ASB4: variants seen among roughly 807,000 people sequenced by gnomAD.
The protein encoded by ASB4 is ankyrin repeat and SOCS box protein 4.
Under a neutral mutation model 38.6 loss-of-function variants are expected in ASB4, and 35 were observed. That is an observed-to-expected ratio of 0.91 (90% CI 0.69 to 1.20). The LOEUF is 1.20. ASB4 is among the 50% of genes most tolerant of loss of function. The probability of loss-of-function intolerance (pLI) is 0.00; values close to 1 mark genes in which losing one functional copy is unlikely to be tolerated. For synonymous variants in ASB4, 195 were observed against 201.3 expected, an observed-to-expected ratio of 0.97 and a Z score of 0.26; for missense variants, 557 against 527.2, an observed-to-expected ratio of 1.06 and a Z score of -0.55.
chr7:95,541,848 A>G (rs1396950352), downstream of ASB4, among the ~76,000 whole-genome samples: 1 of 152,198 alleles, frequency 6.6e-6, no homozygotes, highest in East Asian at 1.9e-4. Context: ...GTCATTGGGT[A>G]TCAGAATGAA....
rs1790931049 is a variant in ASB4 at position 95,538,776 on chromosome 7, G to A, written c.*1017G>A. On this transcript the variant is annotated 3_prime_UTR_variant, in exon 5 of 5. Coordinates refer to ENST00000325885, the MANE Select transcript of ASB4 (RefSeq NM_016116.3). ...TGGCTCCAGTGCATGTGACAAGGAA[G>A]CATAGGAAAATGGGGGAAAGAAAGT... is the stretch of plus-strand genomic sequence containing the variant. 2 of 152,172 alleles carry A rather than the reference G, an allele frequency of 1.3e-5. No homozygotes were observed. The highest frequency in any genetic ancestry group is 4.8e-5 in the African/African-American group (2 of 41,442). 9.4% of individuals were successfully genotyped at this position (152,172 alleles called of 1,614,324 possible).
At chr7:95,474,277 T>C (rs1468453841), upstream of ASB4, among the ~76,000 whole-genome samples, 1 of 152,244 alleles carries the variant, frequency 6.6e-6, no homozygotes, top group Non-Finnish European at 1.5e-5. Flanking sequence ...GCTATTTATA[T>C]TTTCCTTTTG....
rs2116660638 is a variant in ASB4 at position 95,537,874 on chromosome 7, A to C, written c.*115A>C. ...GATTATAACACTTCAGGGATTTCAA[A>C]ACACTTTACAAACACTGCCATTAAT... On this transcript the variant is annotated 3_prime_UTR_variant, in exon 5 of 5. Transcript: ENST00000325885. 1.3e-6 allele frequency: 1 copy of C among 793,808 alleles called. No homozygotes were observed. Among genetic ancestry groups the C allele is most frequent in the Admixed American group, 2.7e-5 (1 of 36,572 alleles). The allele number at this position is 793,808 out of a possible 1,614,324, so 49.2% of individuals were successfully genotyped here. A position where few individuals can be genotyped will look rare whatever the true frequency, so the allele number is the denominator to read the frequency against.
chr7:95,486,159 G>A lies in ASB4; in HGVS notation c.187+1G>A, dbSNP rs763960769. On this transcript the variant is annotated splice_donor_variant, in intron 1 of 4. Coordinates refer to ENST00000325885, the MANE Select transcript of ASB4 (RefSeq NM_016116.3). LOFTEE classifies it high-confidence loss of function. ...ATGGTTTTGGCATCTTATAAACAAG[G>A]TAAAAACATATAGGTGTTATTGTAG... 1 of 1,611,064 alleles carries A rather than the reference G, an allele frequency of 6.2e-7. No homozygotes were observed. The highest frequency in any genetic ancestry group is 8.5e-7 in the Non-Finnish European group (1 of 1,178,122).
At chr7:95,483,565 C>G (rs112811609), upstream of ASB4, among the ~76,000 whole-genome samples, 165 of 152,296 alleles carry the variant, frequency 1.1e-3, 1 homozygote, top group African/African-American at 3.8e-3. Flanking sequence ...AATGGGGGAT[C>G]AGATCAAATG....
chr7:95,523,654 C>G (rs1336979174), intron 2 of ASB4, among the ~76,000 whole-genome samples: 1 of 151,976 alleles, frequency 6.6e-6, no homozygotes, highest in Non-Finnish European at 1.5e-5. Flanking sequence ...AATGTTTCAG[C>G]TTAATAATTC....
At chr7:95,491,723 T>A (rs1224493623) in intron 1 of ASB4, among the ~76,000 whole-genome samples, 1 of 152,206 alleles carries the variant, frequency 6.6e-6, no homozygotes. Flanking sequence ...CAGCCTCATC[T>A]GTAGTTTTTG....
chr7:95,532,698 A>G (rs2375019), intron 3 of ASB4, among the ~76,000 whole-genome samples: 113,032 of 152,074 alleles, frequency 0.74, 42,768 homozygotes, highest in East Asian at 0.98. Context: ...GAGAGGCAGG[A>G]AGACTTACCT....
chr7:95,500,198 A>G (rs1464561563), intron 2 of ASB4, among the ~76,000 whole-genome samples: 3 of 152,050 alleles, frequency 2.0e-5, no homozygotes, highest in Admixed American at 6.6e-5. Flanking sequence ...TGGAGAAGGA[A>G]TGGGAGGTTC....
chr7:95,495,004 C>A (rs1400595767), intron 1 of ASB4, among the ~76,000 whole-genome samples: 1 of 152,166 alleles, frequency 6.6e-6, no homozygotes, highest in Admixed American at 6.5e-5. Flanking sequence ...CTAGGAAATT[C>A]AAAGGCAAAT....
chr7:95,522,259 A>G (rs889028198), intron 2 of ASB4, among the ~76,000 whole-genome samples: 1 of 152,152 alleles, frequency 6.6e-6, no homozygotes, highest in African/African-American at 2.4e-5. Context: ...ACTTTGATTT[A>G]TTAGAACTTT....
upstream of ASB4, among the ~76,000 whole-genome samples, chr7:95,484,180 A>T (rs1042488487): frequency 1.3e-5 from 2 of 152,016 alleles, no homozygotes; most frequent in Non-Finnish European, 2.9e-5. Context: ...AACACACAAA[A>T]TTTAGCCAGA....
chr7:95,485,694 T>A (rs140773630), upstream of ASB4, among the ~76,000 whole-genome samples: 138 of 152,324 alleles, frequency 9.1e-4, no homozygotes, highest in East Asian at 0.018. Flanking sequence ...TTGTGACATT[T>A]CATGCCTGGA....
Position 95,537,590 on chromosome 7 carries a change from A to T in ASB4, c.1112A>T (p.His371Leu). 1 of 1,595,666 alleles carries T rather than the reference A, an allele frequency of 6.3e-7. No homozygotes were observed. Among genetic ancestry groups the T allele is most frequent in the Non-Finnish European group, 8.6e-7 (1 of 1,169,324 alleles). ...TTTCAGAAATACTGGGATTTTTACCACTCTCTCTTTACTGTGTGCTGTAAC... is the reference window on the plus strand; with the variant it reads ...TTTCAGAAATACTGGGATTTTTACCTCTCTCTCTTTACTGTGTGCTGTAAC... The part of the protein sequence containing the change: ...DDLEKYWDFY[H>L]SLFTVCCNSP... Residue 371 changes from histidine (H) to leucine (L), a missense_variant, in exon 5 of 5, where the codon CAC becomes CTC. Physicochemically the swap from His to Leu is moderately conservative, Grantham distance 99. Coordinates refer to ENST00000325885, the MANE Select transcript of ASB4 (RefSeq NM_016116.3).
At chr7:95,487,836 C>T (rs1006025910) in intron 1 of ASB4, among the ~76,000 whole-genome samples, 1 of 152,074 alleles carries the variant, frequency 6.6e-6, no homozygotes, top group Admixed American at 6.5e-5. Flanking sequence ...AAGAACAGTT[C>T]CATTCTTATG....
rs1554351441 is a variant in ASB4, at chr7:95,537,654, T to C, written c.1176T>C (p.Ile392=). Residue 392 remains isoleucine, a synonymous_variant, in exon 5 of 5, where the codon ATT becomes ATC. Transcript: ENST00000325885. ...RTLMHLSRCA[I]RRTLHNRCHR... is the part of the protein sequence containing the mutation. ...TCATGCACTTATCGAGATGTGCCAT[T>C]AGAAGAACATTACACAACAGATGCC... The C allele has an allele frequency of 1.2e-6, 2 of 1,613,756 alleles. No individual in the cohort carries two copies. Among genetic ancestry groups the C allele is most frequent in the Admixed American group, 3.3e-5 (2 of 60,012 alleles).
intron 2 of ASB4, among the ~76,000 whole-genome samples, chr7:95,500,969 C>T (rs1052070559): frequency 6.6e-6 from 1 of 152,134 alleles, no homozygotes; most frequent in African/African-American, 2.4e-5. Context: ...CTATGTGTAG[C>T]CATCACCACT....
chr7:95,528,476 G>C, intron 3 of ASB4, 173 bp downstream of exon 3: 1 of 1,440,008 alleles, frequency 6.9e-7, no homozygotes, highest in Admixed American at 2.8e-5. Context: ...TCTCATCCTA[G>C]TCTAGGTTTG....
At chr7:95,472,488 A>T in the ASB4 span, among the ~76,000 whole-genome samples, 2 of 152,172 alleles carry the variant, frequency 1.3e-5, no homozygotes, top group Non-Finnish European at 2.9e-5. Flanking sequence ...CGGGGGAAAC[A>T]AGGTTCTATC....
Sources: gnomAD v4.1 joint callset for allele counts (sites outside exome capture counted in the v4.1 genomes callset) on GRCh38, gnomAD v4.1.1 for gene constraint, MANE v1.5 for transcripts, NCBI Gene and HGNC (gene_info 2026-07-23, HGNC 2026-07-21) for gene names.